The following IGF2BP3 variants were observed in gnomAD, a reference collection of about 807,000 sequenced individuals.
The protein encoded by IGF2BP3 is insulin like growth factor 2 mRNA binding protein 3.
IGF2BP3 carries 9 observed loss-of-function variants against 73.8 expected under a neutral mutation model. The ratio of observed to expected loss-of-function variants is 0.12; its 90% CI spans 0.07 to 0.21. The LOEUF is 0.21. Among genes scored for constraint, IGF2BP3 ranks in the 10% least tolerant of loss-of-function variants. The pLI, the probability that IGF2BP3 is intolerant of heterozygous loss-of-function variation, is 1.00. For missense variants in IGF2BP3, 542 were observed against 714.0 expected, an observed-to-expected ratio of 0.76 and a Z score of 2.75; for synonymous variants, 258 against 256.7, an observed-to-expected ratio of 1.01 and a Z score of -0.05.
chr7:23,442,272 T>C (rs576674984), intron 2 of IGF2BP3, among the ~76,000 whole-genome samples: 29 of 152,310 alleles, frequency 1.9e-4, no homozygotes, highest in South Asian at 2.1e-4. Flanking sequence ...AAGTAAGCAA[T>C]GGAAATCAAA....
intron 5 of IGF2BP3, among the ~76,000 whole-genome samples, chr7:23,352,631 G>A (rs1784994267): frequency 6.6e-6 from 1 of 152,020 alleles, no homozygotes; most frequent in South Asian, 2.1e-4. Context: ...AAGGAAAAGT[G>A]CCCAAATCTT....
At chr7:23,432,549 C>A (rs1787711262) in intron 2 of IGF2BP3, among the ~76,000 whole-genome samples, 1 of 151,842 alleles carries the variant, frequency 6.6e-6, no homozygotes, top group South Asian at 2.1e-4. Context: ...AAAAACAGGG[C>A]ACAAACTAAT....
intron 6 of IGF2BP3, among the ~76,000 whole-genome samples, chr7:23,349,887 C>T (rs1053273082): frequency 4.6e-5 from 7 of 152,132 alleles, no homozygotes; most frequent in African/African-American, 1.7e-4. Flanking sequence ...TGAATTTCTG[C>T]AGGTAACGGT....
chr7:23,312,334 C>T lies in IGF2BP3; in HGVS notation c.*28G>A. 1 of 1,513,036 alleles carries T rather than the reference C, an allele frequency of 6.6e-7. No homozygotes were observed. Among genetic ancestry groups the T allele is most frequent in the Non-Finnish European group, 9.2e-7 (1 of 1,089,512 alleles). 93.7% of individuals were successfully genotyped at this position (1,513,036 alleles called of 1,614,324 possible). ...CAATCTGTCTTTGGTTTGGCATCTG[C>T]CTCTGTGGTGGGCTGTTTCCTGAGC... On this transcript the variant is annotated 3_prime_UTR_variant, in exon 15 of 15. Coordinates refer to ENST00000258729, the MANE Select transcript of IGF2BP3 (RefSeq NM_006547.3).
chr7:23,352,153 G>A (rs527541484), intron 5 of IGF2BP3, among the ~76,000 whole-genome samples: 3 of 152,094 alleles, frequency 2.0e-5, no homozygotes, highest in South Asian at 2.1e-4. Context: ...TACCTATTAT[G>A]AGCCAGTCCC....
At chr7:23,339,736 T>C (rs111539987) in intron 10 of IGF2BP3, among the ~76,000 whole-genome samples, 2 of 152,040 alleles carry the variant, frequency 1.3e-5, no homozygotes, top group South Asian at 2.1e-4. Context: ...CCAGCAGAAA[T>C]GTGGGTTAGA....
intron 2 of IGF2BP3, among the ~76,000 whole-genome samples, chr7:23,441,667 G>T (rs1787940358): frequency 6.8e-6 from 1 of 146,076 alleles, no homozygotes; most frequent in African/African-American, 2.5e-5. Flanking sequence ...AACCTTAACT[G>T]CTCCCACCTC....
chr7:23,320,778 T>A (rs1385025510), intron 10 of IGF2BP3, among the ~76,000 whole-genome samples: 1 of 149,042 alleles, frequency 6.7e-6, no homozygotes, highest in Non-Finnish European at 1.5e-5. Flanking sequence ...CAAAACCCCA[T>A]CTCTTCAAAA....
intron 2 of IGF2BP3, among the ~76,000 whole-genome samples, chr7:23,437,167 T>C (rs946362931): frequency 1.3e-5 from 2 of 151,842 alleles, no homozygotes; most frequent in African/African-American, 2.4e-5. Context: ...TTAAACTTTG[T>C]TCTATAACTT....
intron 3 of IGF2BP3, among the ~76,000 whole-genome samples, chr7:23,389,251 C>T (rs935436500): frequency 2.6e-5 from 4 of 151,866 alleles, no homozygotes; most frequent in Admixed American, 1.3e-4. Context: ...ACCTCCATCT[C>T]CCAGGTTCAA....
intron 10 of IGF2BP3, among the ~76,000 whole-genome samples, chr7:23,335,073 T>TAAAAAAAAAAAA (rs5882898): frequency 7.2e-5 from 5 of 69,186 alleles, no homozygotes; most frequent in Non-Finnish European, 1.3e-4. Context: ...TCTTTAACAT[T>TAAAAAAAAAAAA]AAAAAAAAAA....
chr7:23,407,471 T>A (rs1479019504), intron 3 of IGF2BP3, among the ~76,000 whole-genome samples: 3 of 151,886 alleles, frequency 2.0e-5, no homozygotes, highest in Non-Finnish European at 4.4e-5. Flanking sequence ...TAGCTGGGCA[T>A]GGTGGCGCAT....
intron 3 of IGF2BP3, chr7:23,415,382 C>A (rs1787158168): frequency 4.5e-6 from 1 of 221,040 alleles, no homozygotes; most frequent in Non-Finnish European, 9.1e-6. Context: ...TCGCCAGGTC[C>A]CCCTCCATCA....
chr7:23,315,552 A>G (rs1357075497), intron 12 of IGF2BP3, among the ~76,000 whole-genome samples: 1 of 152,250 alleles, frequency 6.6e-6, no homozygotes, highest in Non-Finnish European at 1.5e-5. Context: ...GCCAGGGTAA[A>G]CCACAAAAAA....
chr7:23,418,423 T>C (rs1337173974), intron 3 of IGF2BP3, among the ~76,000 whole-genome samples: 1 of 152,216 alleles, frequency 6.6e-6, no homozygotes. Flanking sequence ...ATAGCAGGTA[T>C]TTGTCTTTTT....
chr7:23,410,503 T>C (rs1192121363), intron 3 of IGF2BP3, among the ~76,000 whole-genome samples: 2 of 152,190 alleles, frequency 1.3e-5, no homozygotes, highest in Non-Finnish European at 2.9e-5. Flanking sequence ...AATGCTTGCC[T>C]CATACACCAT....
intron 2 of IGF2BP3, among the ~76,000 whole-genome samples, chr7:23,459,620 C>A (rs1228013214): frequency 6.6e-6 from 1 of 151,828 alleles, no homozygotes; most frequent in Non-Finnish European, 1.5e-5. Context: ...ATCACAAGGT[C>A]AGGAGTTCGA....
intron 2 of IGF2BP3, among the ~76,000 whole-genome samples, chr7:23,439,244 AAAAAT>A (rs761697442): frequency 6.6e-6 from 1 of 151,992 alleles, no homozygotes; most frequent in Non-Finnish European, 1.5e-5. Flanking sequence ...CCTCAAAATA[AAAAAT>A]AAAATAAAAA....
At chr7:23,342,909 C>G (rs1006096206) in intron 9 of IGF2BP3, among the ~76,000 whole-genome samples, 2 of 152,164 alleles carry the variant, frequency 1.3e-5, no homozygotes, top group African/African-American at 4.8e-5. Flanking sequence ...CAAGAAGTCA[C>G]GTGGGGTGTA....
Sources: allele counts gnomAD v4.1 joint callset (sites outside exome capture counted in the v4.1 genomes callset), GRCh38; gene constraint gnomAD v4.1.1; transcripts MANE v1.5; gene names NCBI Gene and HGNC (gene_info 2026-07-23, HGNC 2026-07-21).